Variants in LRIG1 observed in about 807,000 individuals in gnomAD.
LRIG1 encodes the protein leucine rich repeats and immunoglobulin like domains 1.
A neutral mutation model predicts 99.2 loss-of-function variants in LRIG1; 48 were observed. The observed-to-expected ratio is 0.48, with a 90% CI of 0.38 to 0.62. The LOEUF (loss-of-function observed/expected upper bound fraction) is 0.62, where lower values mean the gene tolerates loss of function less well. LRIG1 is among the 20% of genes least tolerant of loss of function. The probability of loss-of-function intolerance (pLI) is 0.00; values close to 1 mark genes in which losing one functional copy is unlikely to be tolerated. For synonymous variants in LRIG1, 772 were observed against 596.1 expected (o/e 1.29, Z -4.30); for missense variants, 1,646 against 1,434.4 (o/e 1.15, Z -2.38).
At chr3:66,439,792 T>G (rs1703482541) in intron 3 of LRIG1, among the ~76,000 whole-genome samples, 1 of 152,186 alleles carries the variant, frequency 6.6e-6, no homozygotes, top group South Asian at 2.1e-4. Context: ...TTGAATTCTG[T>G]GATCTCCAAA....
At chr3:66,433,316 A>G (rs745930031) in intron 3 of LRIG1, among the ~76,000 whole-genome samples, 1 of 152,248 alleles carries the variant, frequency 6.6e-6, no homozygotes, top group Non-Finnish European at 1.5e-5. Context: ...ACAGTGGCAC[A>G]GTAAGCCAGA....
intron 1 of LRIG1, among the ~76,000 whole-genome samples, chr3:66,487,420 C>G (rs899702628): frequency 6.6e-6 from 1 of 152,198 alleles, no homozygotes; most frequent in Non-Finnish European, 1.5e-5. Context: ...GGGTAAACCT[C>G]AGAACCCCTT....
chr3:66,394,452 C>G (rs1042263744), intron 11 of LRIG1, among the ~76,000 whole-genome samples: 2 of 152,224 alleles, frequency 1.3e-5, no homozygotes, highest in East Asian at 3.8e-4. Context: ...ACTCTGCTAA[C>G]AAGTTCACGT....
At position 66,383,132 on chromosome 3, in the gene LRIG1, GGACGCT is replaced by G; in HGVS notation, c.2335_2340del (p.Ser779_Val780del). The stretch of plus-strand genomic sequence containing the variant: ...TCCTTCCTGCAGCCTGCTGCGGGCA[GGACGCT>G]CAGCTGGCTGTGAGCTCGCTCCGTG... On this transcript the variant is annotated inframe_deletion, in exon 15 of 19. Coordinates refer to ENST00000273261, the MANE Select transcript of LRIG1 (RefSeq NM_015541.3). 6.2e-7 allele frequency: 1 copy of G among 1,614,250 alleles called. No homozygotes were observed. The highest frequency in any genetic ancestry group is 8.5e-7 in the Non-Finnish European group (1 of 1,180,054).
At chr3:66,423,838 GC>G (rs34619332) in intron 3 of LRIG1, among the ~76,000 whole-genome samples, 4 of 152,200 alleles carry the variant, frequency 2.6e-5, no homozygotes, top group African/African-American at 9.6e-5. Context: ...AAGTTCATAT[GC>G]CCCATGGGCT....
rs538986535 is a variant in LRIG1 at position 66,389,414 on chromosome 3, C to T, written c.1469-3113G>A. Among the ~76,000 whole-genome samples the T allele has an allele frequency of 2.0e-5, 3 of 151,964 alleles. No individual in the cohort carries two copies. In the East Asian group the frequency reaches 5.8e-4, roughly 29 times the overall value. The stretch of plus-strand genomic sequence containing the variant: ...TGAATTAAACACTCCAATCAAAAGG[C>T]AAAGATTACCATAATGGATAAAAAA... On this transcript the variant is annotated intron_variant, in intron 12 of 18. Coordinates refer to ENST00000273261, the MANE Select transcript of LRIG1 (RefSeq NM_015541.3).
chr3:66,424,070 T>C (rs1337301146), intron 3 of LRIG1, among the ~76,000 whole-genome samples: 2 of 152,162 alleles, frequency 1.3e-5, no homozygotes, highest in Non-Finnish European at 2.9e-5. Flanking sequence ...CTCAGAGCTC[T>C]CACTCTTAAC....
At chr3:66,437,110 G>A (rs1403941964) in intron 3 of LRIG1, among the ~76,000 whole-genome samples, 3 of 152,122 alleles carry the variant, frequency 2.0e-5, no homozygotes, top group East Asian at 1.9e-4. Context: ...TTTTCCTTCC[G>A]TCTCTGCAGT....
chr3:66,435,350 G>C (rs1235419609), intron 3 of LRIG1, among the ~76,000 whole-genome samples: 2 of 152,306 alleles, frequency 1.3e-5, no homozygotes, highest in East Asian at 3.9e-4. Context: ...CTTGAGGTCA[G>C]GAGTTTGAGA....
In LRIG1 at chr3:66,500,451, G is replaced by C; in HGVS notation, c.-44C>G. On this transcript the variant is annotated 5_prime_UTR_variant, in exon 1 of 19. Coordinates refer to ENST00000273261, the MANE Select transcript of LRIG1 (RefSeq NM_015541.3). Reference sequence around the variant, plus strand: ...CGAACTCCGGGCGCGGGGACTGTGAGGACCCGAACGGCCGCAGACGCGGGC... The same window carrying C: ...CGAACTCCGGGCGCGGGGACTGTGACGACCCGAACGGCCGCAGACGCGGGC... 1 of 1,218,706 alleles carries C rather than the reference G, an allele frequency of 8.2e-7. No homozygotes were observed. The highest frequency in any genetic ancestry group is 3.1e-5 in the East Asian group (1 of 31,826). The allele number at this position is 1,218,706 out of a possible 1,614,324, so 75.5% of individuals were successfully genotyped here. A position where few individuals can be genotyped will look rare whatever the true frequency, so the allele number is the denominator to read the frequency against.
intron 11 of LRIG1, among the ~76,000 whole-genome samples, chr3:66,395,238 C>T (rs894785582): frequency 6.6e-6 from 1 of 152,160 alleles, no homozygotes; most frequent in Admixed American, 6.6e-5. Flanking sequence ...CACAGGTATG[C>T]GCAGAAATTC....
At position 66,383,338 on chromosome 3, in the gene LRIG1, AG is replaced by A; in HGVS notation, c.2134del (p.Leu712SerfsTer22). The A allele has an allele frequency of 6.3e-7, 1 of 1,596,332 alleles. No homozygotes were observed. Among genetic ancestry groups the A allele is most frequent in the Non-Finnish European group, 8.6e-7 (1 of 1,166,942 alleles). ...AGGGTTCCCCGTGGCTTTGCATTGGAGGGCCACTGTTTCTCCCACAGATACC... is the reference window on the plus strand; with the variant it reads ...AGGGTTCCCCGTGGCTTTGCATTGGAGGCCACTGTTTCTCCCACAGATACC... ...RVVSVGETVALQCKATGNPPP... is the reference protein window; with the variant it reads ...RVVSVGETVAXQCKATGNPPP... On this transcript the variant is annotated frameshift_variant, in exon 15 of 19. Coordinates refer to ENST00000273261, the MANE Select transcript of LRIG1 (RefSeq NM_015541.3). LOFTEE classifies it high-confidence loss of function.
intron 11 of LRIG1, among the ~76,000 whole-genome samples, chr3:66,396,831 CTT>C (rs1701869626): frequency 6.6e-6 from 1 of 152,240 alleles, no homozygotes; most frequent in African/African-American, 2.4e-5. Flanking sequence ...TGCCCCACCG[CTT>C]GTCTTCTACA....
chr3:66,380,245 A>T lies in LRIG1; in HGVS notation c.*18T>A, dbSNP rs1486829733. ...TTCCCGTAGAGATTGGTATGACAAG[A>T]ACTGAGGTAGACAAAACCTAGCTTT... On this transcript the variant is annotated 3_prime_UTR_variant, in exon 19 of 19. Coordinates refer to ENST00000273261, the MANE Select transcript of LRIG1 (RefSeq NM_015541.3). 1 of 1,598,580 alleles carries T rather than the reference A, an allele frequency of 6.3e-7. No individual in the cohort carries two copies. The highest frequency in any genetic ancestry group is 1.7e-5 in the Admixed American group (1 of 59,190).
At chr3:66,384,994 T>G (rs775828966) in intron 13 of LRIG1, among the ~76,000 whole-genome samples, 1 of 152,136 alleles carries the variant, frequency 6.6e-6, no homozygotes, top group African/African-American at 2.4e-5. Flanking sequence ...AAAGAAGGTG[T>G]TTCGCTGTGA....
intron 1 of LRIG1, among the ~76,000 whole-genome samples, chr3:66,463,235 T>C (rs1236321919): frequency 6.6e-6 from 1 of 152,162 alleles, no homozygotes; most frequent in African/African-American, 2.4e-5. Flanking sequence ...TTCAAGTGAG[T>C]GTTTAGAAAG....
chr3:66,471,492 A>T (rs1400854531), intron 1 of LRIG1, among the ~76,000 whole-genome samples: 1 of 152,088 alleles, frequency 6.6e-6, no homozygotes, highest in African/African-American at 2.4e-5. Flanking sequence ...GCTCCCACTG[A>T]ACTCTTCCCC....
intron 17 of LRIG1, 54 bp from the exon 18 acceptor site, chr3:66,380,915 C>A: frequency 6.3e-7 from 1 of 1,577,144 alleles, no homozygotes; most frequent in South Asian, 1.2e-5. Flanking sequence ...AGTCTTCGTC[C>A]CCACACAGAG....
At chr3:66,470,408 G>A (rs960908238) in intron 1 of LRIG1, among the ~76,000 whole-genome samples, 1 of 152,182 alleles carries the variant, frequency 6.6e-6, no homozygotes, top group Non-Finnish European at 1.5e-5. Flanking sequence ...TTGAAGAGGA[G>A]TCCTGGGAAA....
Sources: gnomAD v4.1 joint callset for allele counts (sites outside exome capture counted in the v4.1 genomes callset) on GRCh38, gnomAD v4.1.1 for gene constraint, MANE v1.5 for transcripts, NCBI Gene and HGNC (gene_info 2026-07-23, HGNC 2026-07-21) for gene names.